Variants in HRH2 observed in about 807,000 individuals in gnomAD.
HRH2 encodes the protein histamine receptor H2.
In HRH2, 4 loss-of-function variants were observed where a neutral mutation model predicts 20.1. That is an observed-to-expected ratio of 0.20 (90% CI 0.10 to 0.45). The LOEUF (loss-of-function observed/expected upper bound fraction) is 0.45. Among genes scored for constraint, HRH2 ranks in the 20% least tolerant of loss-of-function variants. The pLI, the probability that HRH2 is intolerant of heterozygous loss-of-function variation, is 0.99. For synonymous variants in HRH2, 197 were observed against 200.7 expected (o/e 0.98, Z 0.16); for missense variants, 250 against 461.6 (o/e 0.54, Z 4.20).
At chr5:175,688,019 C>T (rs1204507589) in intron 2 of HRH2, among the ~76,000 whole-genome samples, 1 of 152,172 alleles carries the variant, frequency 6.6e-6, no homozygotes, top group African/African-American at 2.4e-5. Flanking sequence ...TACCTTTCCC[C>T]ACTTGTAGGC....
At chr5:175,668,525 G>A (rs1755396776) in intron 1 of HRH2, among the ~76,000 whole-genome samples, 1 of 152,144 alleles carries the variant, frequency 6.6e-6, no homozygotes, top group South Asian at 2.1e-4. Flanking sequence ...ACAAGTAAGG[G>A]AAATTGAGGC....
At chr5:175,672,257 G>C (rs1055431490) in intron 1 of HRH2, among the ~76,000 whole-genome samples, 2 of 152,112 alleles carry the variant, frequency 1.3e-5, no homozygotes, top group African/African-American at 4.8e-5. Flanking sequence ...CTGCCCCTGA[G>C]CAGTTTTGCC....
chr5:175,660,239 G>A (rs35954901), intron 1 of HRH2, among the ~76,000 whole-genome samples: 14,806 of 152,260 alleles, frequency 0.097, 804 homozygotes, highest in Middle Eastern at 0.21. Context: ...CAGCAGGCTA[G>A]AGAGGTTCCT....
Position 175,681,542 on chromosome 5 carries a change from C to T in HRH2, c.-525-1167C>T, listed in dbSNP as rs1755973079. On this transcript the variant is annotated intron_variant, in intron 1 of 2. Transcript: ENST00000636584. The surrounding 1 kb of genome is among the most constrained non-coding windows in gnomAD (Gnocchi z 4.3). The stretch of plus-strand genomic sequence containing the variant: ...CGTGGAACAGGGCCTCAGCTTGTTT[C>T]TCGCCAGTTGGAATCATATACAGCC... Among the ~76,000 whole-genome samples the T allele has an allele frequency of 6.6e-6, 1 of 152,194 alleles. No homozygotes were observed. The highest frequency in any genetic ancestry group is 2.4e-5 in the African/African-American group (1 of 41,442).
intron 1 of HRH2, among the ~76,000 whole-genome samples, chr5:175,670,851 G>C (rs1192910858): frequency 2.6e-5 from 4 of 152,236 alleles, no homozygotes; most frequent in African/African-American, 9.6e-5. Context: ...TTCTTGATTT[G>C]CTTTGCCAGG....
rs1756220849 is a variant in HRH2, at chr5:175,687,700, C to T, written c.1076+3391C>T. Among the ~76,000 whole-genome samples the T allele has an allele frequency of 6.6e-6, 1 of 152,128 alleles. No individual in the cohort carries two copies. Among genetic ancestry groups the T allele is most frequent in the Non-Finnish European group, 1.5e-5 (1 of 68,004 alleles). On this transcript the variant is annotated intron_variant, in intron 2 of 2. Transcript: ENST00000636584. The surrounding 1 kb of genome is among the most constrained non-coding windows in gnomAD (Gnocchi z 5.2). ...CTACTGTCCACCCCTCATCACCTCT[C>T]CCCTGCCTCCTCTCAGATACCCCTG...
chr5:175,694,250 G>C (rs913753486), intron 2 of HRH2, among the ~76,000 whole-genome samples: 3 of 152,170 alleles, frequency 2.0e-5, no homozygotes, highest in Non-Finnish European at 4.4e-5. Flanking sequence ...TTCCAGGTCA[G>C]GGAGCTCAGC....
chr5:175,697,442 G>GA (rs1334090353), intron 2 of HRH2, among the ~76,000 whole-genome samples: 1 of 140,350 alleles, frequency 7.1e-6, no homozygotes, highest in Non-Finnish European at 1.5e-5. Flanking sequence ...CAGCTTGGGC[G>GA]AAAGAGTGAG....
At position 175,684,180 on chromosome 5, in the gene HRH2, C is replaced by G; in HGVS notation, c.947C>G (p.Ser316Cys). The change falls in exon 2 of 3, where the codon TCT becomes TGT. Residue 316 changes from serine (S) to cysteine (C), a missense_variant. This residue lies in a region of HRH2 where 55 missense variants were observed against 66.9 expected (regional missense o/e 0.82). Coordinates refer to ENST00000636584, the MANE Select transcript of HRH2 (RefSeq NM_001367711.1). Reference sequence around the variant, plus strand: ...GCCAACCGCAACTCCCACAAAACTTCTCTGAGGTCCAACGCCTCTCAGCTG... The same window carrying G: ...GCCAACCGCAACTCCCACAAAACTTGTCTGAGGTCCAACGCCTCTCAGCTG... ...RLANRNSHKTSLRSNASQLSR... is the reference protein window; with the variant it reads ...RLANRNSHKTCLRSNASQLSR... The G allele has an allele frequency of 6.2e-7, 1 of 1,614,204 alleles. No homozygotes were observed. Among genetic ancestry groups the G allele is most frequent in the African/African-American group, 1.3e-5 (1 of 75,040 alleles).
Position 175,683,895 on chromosome 5 carries a change from C to T in HRH2, c.662C>T (p.Ser221Phe). ...DQAKRINHISSWKAATIREHK... is the reference protein window; with the variant it reads ...DQAKRINHISFWKAATIREHK... ...GCCAAGAGGATCAATCACATTAGCT[C>T]CTGGAAGGCAGCCACCATCAGGGAG... Residue 221 changes from serine to phenylalanine, a missense_variant, in exon 2 of 3, where the codon TCC becomes TTC. Ser to Phe is a radical substitution (Grantham distance 155). Coordinates refer to ENST00000636584, the MANE Select transcript of HRH2 (RefSeq NM_001367711.1). The T allele has an allele frequency of 1.2e-6, 2 of 1,614,164 alleles. No individual in the cohort carries two copies. The highest frequency in any genetic ancestry group is 1.7e-6 in the Non-Finnish European group (2 of 1,180,044).
At chr5:175,667,304 C>T (rs983674833) in intron 1 of HRH2, among the ~76,000 whole-genome samples, 5 of 152,018 alleles carry the variant, frequency 3.3e-5, no homozygotes, top group African/African-American at 7.2e-5. Flanking sequence ...ATTAGCTGGG[C>T]GTGGTGGCAG....
At chr5:175,684,553 C>A (rs1359409175) in intron 2 of HRH2, among the ~76,000 whole-genome samples, 1 of 152,222 alleles carries the variant, frequency 6.6e-6, no homozygotes, top group Non-Finnish European at 1.5e-5. Flanking sequence ...ACAGCTGGGG[C>A]CTGAAGAGCG....
Position 175,687,388 on chromosome 5 carries a change from C to T in HRH2, c.1076+3079C>T, listed in dbSNP as rs1005158787. ...ATCACTGCCAAGATTGGGCTGTCTG[C>T]CTGAGCCAAGAATTCCGAAGGGAAC... is the stretch of plus-strand genomic sequence containing the variant. On this transcript the variant is annotated intron_variant, in intron 2 of 2. Coordinates refer to ENST00000636584, the MANE Select transcript of HRH2 (RefSeq NM_001367711.1). The surrounding 1 kb of genome is among the most constrained non-coding windows in gnomAD (Gnocchi z 5.2). 7.2e-5 allele frequency among the ~76,000 whole-genome samples: 11 copies of T among 152,254 alleles called. No homozygotes were observed. Among genetic ancestry groups the T allele is most frequent in the Non-Finnish European group, 1.2e-4 (8 of 68,018 alleles).
intron 2 of HRH2, chr5:175,685,687 T>G (rs1179509450): frequency 4.9e-6 from 3 of 611,090 alleles, no homozygotes; most frequent in Non-Finnish European, 8.9e-6. Flanking sequence ...GCATAGAGAG[T>G]TGGTCTTCCC....
intron 1 of HRH2, among the ~76,000 whole-genome samples, chr5:175,666,095 A>C (rs2113476867): frequency 6.6e-6 from 1 of 151,824 alleles, no homozygotes; most frequent in East Asian, 1.9e-4. Flanking sequence ...CTGCACCCCC[A>C]CTGTGGGTGC....
At chr5:175,705,977 C>T (rs1269584781) in intron 2 of HRH2, among the ~76,000 whole-genome samples, 6 of 152,164 alleles carry the variant, frequency 3.9e-5, no homozygotes, top group African/African-American at 1.2e-4. Context: ...AACCACTGCT[C>T]CTGGCCCTGA....
At chr5:175,669,328 C>T (rs1216848133) in intron 1 of HRH2, among the ~76,000 whole-genome samples, 3 of 151,420 alleles carry the variant, frequency 2.0e-5, no homozygotes, top group Non-Finnish European at 4.4e-5. Context: ...AAATCCAAGG[C>T]ATCCTGGAAC....
chr5:175,672,980 C>T (rs1482250368), intron 1 of HRH2, among the ~76,000 whole-genome samples: 1 of 151,808 alleles, frequency 6.6e-6, no homozygotes, highest in Non-Finnish European at 1.5e-5. Flanking sequence ...GGCCAGTGTG[C>T]ACCCACTGAG....
chr5:175,696,595 C>G (rs1228847582), intron 2 of HRH2, among the ~76,000 whole-genome samples: 1 of 152,248 alleles, frequency 6.6e-6, no homozygotes, highest in African/African-American at 2.4e-5. Context: ...CTCCTCCATG[C>G]ACACTCTTGC....
Sources: allele counts gnomAD v4.1 joint callset (sites outside exome capture counted in the v4.1 genomes callset), GRCh38; gene constraint gnomAD v4.1.1; regional missense constraint gnomAD v4.1.1; non-coding constraint Gnocchi (gnomAD v3.1); transcripts MANE v1.5; gene names NCBI Gene and HGNC (gene_info 2026-07-23, HGNC 2026-07-21).